Variants in MDGA1 observed in about 807,000 individuals in gnomAD.
MDGA1 encodes the protein MAM domain containing glycosylphosphatidylinositol anchor 1.
In MDGA1, 54 loss-of-function variants were observed where a neutral mutation model predicts 101.5. The observed-to-expected ratio is 0.53, with a 90% CI of 0.43 to 0.67. The LOEUF (loss-of-function observed/expected upper bound fraction) is 0.67, where lower values mean the gene tolerates loss of function less well. Among genes scored for constraint, MDGA1 ranks in the 30% least tolerant of loss-of-function variants. MDGA1 has a pLI of 0.00. For missense variants in MDGA1, 1,083 were observed against 1,323.8 expected (o/e 0.82, Z 2.82); for synonymous variants, 533 against 558.3 (o/e 0.95, Z 0.64).
intron 1 of MDGA1, among the ~76,000 whole-genome samples, chr6:37,689,391 C>CA (rs1363799538): frequency 6.6e-6 from 1 of 152,214 alleles, no homozygotes; most frequent in African/African-American, 2.4e-5. Context: ...ATATCCCCCC[C>CA]AGACATGCCA....
At chr6:37,656,596 C>T (rs967868646) in intron 3 of MDGA1, among the ~76,000 whole-genome samples, 1 of 151,786 alleles carries the variant, frequency 6.6e-6, no homozygotes, top group African/African-American at 2.4e-5. Flanking sequence ...TGTTCTTGAG[C>T]TCCTGGGCTC....
In MDGA1 at chr6:37,685,153, T is replaced by G. The variant is rs564686633; in HGVS notation, c.67+11592A>C. ...CTCGTCTCTACAAAAATACAAAAAA[T>G]TAACCGGGTGTGGTGGCACATGCCT... On this transcript the variant is annotated intron_variant, in intron 1 of 16. Transcript: ENST00000434837. Among the ~76,000 whole-genome samples the G allele has an allele frequency of 2.0e-5, 3 of 152,114 alleles. No homozygotes were observed. In the South Asian group the frequency reaches 6.2e-4, roughly 32 times the overall value.
In MDGA1 at chr6:37,650,269, T is replaced by A. The variant is rs1047020164; in HGVS notation, c.1449A>T (p.Ala483=). Residue 483 remains alanine, a synonymous_variant, in exon 8 of 17, where the codon GCA becomes GCT. Coordinates refer to ENST00000434837, the MANE Select transcript of MDGA1 (RefSeq NM_153487.4). The part of the protein sequence containing the change: ...VLWSRVDKEA[A]LLPSGLPLEE... Reference sequence around the variant, plus strand: ...CCAGGGGCAGCCCCGAGGGCAGCAGTGCAGCCTCCTTGTCCACGCGGGACC... The same window carrying A: ...CCAGGGGCAGCCCCGAGGGCAGCAGAGCAGCCTCCTTGTCCACGCGGGACC... The A allele has an allele frequency of 2.5e-6, 4 of 1,608,258 alleles. No homozygotes were observed. The East Asian group carries it at 8.9e-5, about 36-fold the overall frequency.
At chr6:37,679,085 G>A (rs965757306) in intron 1 of MDGA1, among the ~76,000 whole-genome samples, 3 of 151,976 alleles carry the variant, frequency 2.0e-5, no homozygotes, top group African/African-American at 7.3e-5. Context: ...TGCTTAAGTA[G>A]TCTCTTATTT....
chr6:37,674,930 G>A (rs11757465), intron 1 of MDGA1, among the ~76,000 whole-genome samples: 21,785 of 152,082 alleles, frequency 0.14, 1,766 homozygotes, highest in Admixed American at 0.2. Flanking sequence ...GGTGGCAGGC[G>A]CCTGTAATCC....
rs1162816811 is a variant in MDGA1, at chr6:37,645,955, G to A, written c.2226C>T (p.Pro742=). The A allele has an allele frequency of 6.2e-7, 1 of 1,614,034 alleles. No homozygotes were observed. Among genetic ancestry groups the A allele is most frequent in the Admixed American group, 1.7e-5 (1 of 60,020 alleles). ...MASRIIHYTE[P]INSPNLSDNT... The stretch of plus-strand genomic sequence containing the variant: ...CACCTGAAAGGTTCGGAGAGTTGAT[G>A]GCTGAGAAAGCAAGCGGGGAAACCA... Residue 742 remains proline, a splice_region_variant and synonymous_variant, in exon 12 of 17, where the codon CCC becomes CCT. Coordinates refer to ENST00000434837, the MANE Select transcript of MDGA1 (RefSeq NM_153487.4).
At chr6:37,681,005 C>G (rs996450874) in intron 1 of MDGA1, among the ~76,000 whole-genome samples, 14 of 152,082 alleles carry the variant, frequency 9.2e-5, no homozygotes, top group Admixed American at 3.9e-4. Context: ...AGCCCCCCCC[C>G]CCCAGGAAAC....
rs372651450 is a variant in MDGA1, at chr6:37,638,219, G to A, written c.2762C>T (p.Thr921Met). The change falls in exon 16 of 17, where the codon ACG becomes ATG. Residue 921 changes from threonine to methionine, a missense_variant. By Grantham distance (81) the Thr-to-Met change is moderately conservative. Around this residue, in one of 3 missense-constraint regions of MDGA1, gnomAD observed 657 missense variants for 771.4 expected, o/e 0.85. Coordinates refer to ENST00000434837, the MANE Select transcript of MDGA1 (RefSeq NM_153487.4). This position sits in a 1 kb window ranked among gnomAD's most constrained non-coding sequence, Gnocchi z 4.8. ...CCGTCTTGCACCTTTATTGGGATCC[G>A]TCTGCTTCCGGGGACACTCCCCCTT... is the stretch of plus-strand genomic sequence containing the variant. ...LKKGECPRKQ[T>M]DPNKVVVMPG... The A allele has an allele frequency of 3.3e-5, 53 of 1,612,852 alleles. No individual in the cohort carries two copies. Among genetic ancestry groups the A allele is most frequent in the South Asian group, 7.7e-5 (7 of 91,002 alleles).
Position 37,637,437 on chromosome 6 carries a change from T to C in MDGA1, c.2799A>G (p.Gly933=). 6.2e-7 allele frequency: 1 copy of C among 1,613,108 alleles called. No individual in the cohort carries two copies. The highest frequency in any genetic ancestry group is 8.5e-7 in the Non-Finnish European group (1 of 1,179,534). ...PNKVVVMPGS[G]APCQSSPQLW... ...GCTGTGGGCTGGACTGGCAGGGGGC[T>C]CCACTGCCCGGCATCACCACCACTG... Residue 933 remains glycine (G), a synonymous_variant, in exon 17 of 17, where the codon GGA becomes GGG. Coordinates refer to ENST00000434837, the MANE Select transcript of MDGA1 (RefSeq NM_153487.4).
intron 7 of MDGA1, 87 bp from the exon 8 acceptor site, chr6:37,650,492 C>T (rs2114020974): frequency 2.2e-6 from 3 of 1,337,104 alleles, no homozygotes; most frequent in Middle Eastern, 2.8e-4. Flanking sequence ...TGCTTACCTC[C>T]CGCTAGGGGC....
rs1411326592 is a variant in MDGA1, at chr6:37,648,996, A to T, written c.1880T>A (p.Leu627His). The T allele has an allele frequency of 1.3e-6, 2 of 1,552,900 alleles. No individual in the cohort carries two copies. The highest frequency in any genetic ancestry group is 1.7e-6 in the Non-Finnish European group (2 of 1,149,878). Reference protein sequence around the residue: ...VSNDVGSAACLFQVSAKAYSP... With the variant: ...VSNDVGSAACHFQVSAKAYSP... ...TGGACGCTCACCGGAGACCTGGAAG[A>T]GGCAGGCAGCCGAGCCCACATCGTT... The change falls in exon 9 of 17, where the codon CTC becomes CAC. Residue 627 changes from leucine to histidine, a missense_variant. Around this residue, in one of 3 missense-constraint regions of MDGA1, gnomAD observed 657 missense variants for 771.4 expected, o/e 0.85. Coordinates refer to ENST00000434837, the MANE Select transcript of MDGA1 (RefSeq NM_153487.4).
In MDGA1 at chr6:37,686,432, C is replaced by CT. The variant is rs35643390; in HGVS notation, c.67+10312dup. ...TAATGGGTATGTTGTGCAACCTGGG[C>CT]TTTTTTTTTTTGAGATGGAGTTTCA... is the stretch of plus-strand genomic sequence containing the variant. On this transcript the variant is annotated intron_variant, in intron 1 of 16. Coordinates refer to ENST00000434837, the MANE Select transcript of MDGA1 (RefSeq NM_153487.4). Among the ~76,000 whole-genome samples the CT allele has an allele frequency of 7.8e-3, 1,122 of 143,120 alleles. 12 individuals are homozygous for CT. Among genetic ancestry groups the CT allele is most frequent in the African/African-American group, 0.026 (990 of 38,480 alleles). 93.9% of individuals were successfully genotyped at this position (143,120 alleles called of 152,430 possible). A position where few individuals can be genotyped will look rare whatever the true frequency, so the allele number is the denominator to read the frequency against.
Position 37,638,048 on chromosome 6 carries a change from G to A in MDGA1, c.2776+157C>T. On this transcript the variant is annotated intron_variant, in intron 16 of 16. Transcript: ENST00000434837. The surrounding 1 kb of genome is among the most constrained non-coding windows in gnomAD (Gnocchi z 4.8). ...ACAAGTACACAGCCTGAGTGAGTGTGGGGCACACCTTCACACAGTCAGAGC... is the reference window on the plus strand; with the variant it reads ...ACAAGTACACAGCCTGAGTGAGTGTAGGGCACACCTTCACACAGTCAGAGC... The A allele has an allele frequency of 1.5e-6, 1 of 670,842 alleles. No individual in the cohort carries two copies. Among genetic ancestry groups the A allele is most frequent in the South Asian group, 1.8e-5 (1 of 56,038 alleles). 41.6% of individuals were successfully genotyped at this position (670,842 alleles called of 1,614,324 possible). A position where few individuals can be genotyped will look rare whatever the true frequency, so the allele number is the denominator to read the frequency against.
chr6:37,632,666 G>A lies in MDGA1; in HGVS notation c.*4702C>T, dbSNP rs1399785967. On this transcript the variant is annotated 3_prime_UTR_variant, in exon 17 of 17. Transcript: ENST00000434837. ...CAAAGGGGTGAGGATGGGGCTGTGT[G>A]ACTAAAAAAACAACCCCAATCATTT... 1 of 152,520 alleles carries A rather than the reference G, an allele frequency of 6.6e-6. No individual in the cohort carries two copies. The highest frequency in any genetic ancestry group is 1.9e-4 in the East Asian group (1 of 5,194). The allele number at this position is 152,520 out of a possible 1,614,324, so 9.4% of individuals were successfully genotyped here.
chr6:37,683,240 C>T (rs1004239456), intron 1 of MDGA1, among the ~76,000 whole-genome samples: 2 of 152,160 alleles, frequency 1.3e-5, no homozygotes, highest in Non-Finnish European at 2.9e-5. Context: ...GAAATCGACA[C>T]ACTTGGATTC....
In MDGA1 at chr6:37,652,120, C is replaced by T. The variant is rs369550637; in HGVS notation, c.1203G>A (p.Glu401=). The T allele has an allele frequency of 9.3e-6, 15 of 1,613,906 alleles. No homozygotes were observed. The African/African-American group carries it at 1.3e-4, about 14-fold the overall frequency. The change falls in exon 7 of 17, where the codon GAG becomes GAA. Residue 401 remains glutamate (E), a synonymous_variant. Coordinates refer to ENST00000434837, the MANE Select transcript of MDGA1 (RefSeq NM_153487.4). The surrounding 1 kb of genome is among the most constrained non-coding windows in gnomAD (Gnocchi z 4.3). The part of the protein sequence containing the change: ...PELPAVTSSL[E]LIDLHFSDYG... ...AGTCACTGAAGTGCAGGTCAATGAG[C>T]TCTAGGCTGCTGGTGACTGCGGGCA... is the stretch of plus-strand genomic sequence containing the variant.
intron 1 of MDGA1, among the ~76,000 whole-genome samples, chr6:37,681,528 T>C (rs1025363061): frequency 2.0e-5 from 3 of 152,252 alleles, no homozygotes. Flanking sequence ...TAGGACCCCC[T>C]ACCACACATA....
chr6:37,681,174 T>A (rs1206581648), intron 1 of MDGA1, among the ~76,000 whole-genome samples: 1 of 152,150 alleles, frequency 6.6e-6, no homozygotes, highest in East Asian at 1.9e-4. Flanking sequence ...TTTGAACAAA[T>A]TGCTACGGAT....
At chr6:37,683,133 A>G (rs1432279555) in intron 1 of MDGA1, among the ~76,000 whole-genome samples, 1 of 152,198 alleles carries the variant, frequency 6.6e-6, no homozygotes, top group East Asian at 1.9e-4. Context: ...AGGACCCTGT[A>G]GATTCTGGGT....
Sources: gnomAD v4.1 joint callset for allele counts (sites outside exome capture counted in the v4.1 genomes callset) on GRCh38, gnomAD v4.1.1 for gene constraint, gnomAD v4.1.1 regional missense constraint, Gnocchi (gnomAD v3.1) non-coding constraint, MANE v1.5 for transcripts, NCBI Gene and HGNC (gene_info 2026-07-23, HGNC 2026-07-21) for gene names.